Variants in ATP8B1 observed in about 807,000 individuals in gnomAD.
ATP8B1 encodes the protein phospholipid-transporting ATPase IC.
In ATP8B1, 80 loss-of-function variants were observed where a neutral mutation model predicts 149.9. The ratio of observed to expected loss-of-function variants is 0.53; its 90% confidence interval spans 0.45 to 0.64. The LOEUF is 0.64. Among genes scored for constraint, ATP8B1 ranks in the 30% least tolerant of loss-of-function variants. The probability of loss-of-function intolerance (pLI) is 0.00; values close to 1 mark genes in which losing one functional copy is unlikely to be tolerated. For synonymous variants in ATP8B1, 536 were observed against 562.8 expected, an observed-to-expected ratio of 0.95 and a Z score of 0.67; for missense variants, 1,247 against 1,552.6, an observed-to-expected ratio of 0.80 and a Z score of 3.31.
In ATP8B1 at chr18:57,735,967, GC is replaced by G. The variant is rs59140378; in HGVS notation, c.-25-4136del. 4.5e-5 allele frequency among the ~76,000 whole-genome samples: 6 copies of G among 134,462 alleles called. No homozygotes were observed. In the Admixed American group the frequency reaches 4.7e-4, roughly 10 times the overall value. The allele number at this position is 134,462 out of a possible 152,430, so 88.2% of individuals were successfully genotyped here. ...TTGTCCTAATACTCTCCCATTCCTT[GC>G]CCCCCCCACCCCCACCCCCAACAGG... is the stretch of plus-strand genomic sequence containing the variant. On this transcript the variant is annotated intron_variant, in intron 1 of 27. Coordinates refer to ENST00000648908, the MANE Select transcript of ATP8B1 (RefSeq NM_001374385.1).
At chr18:57,794,554 A>G (rs2123461227) in intron 1 of ATP8B1, among the ~76,000 whole-genome samples, 1 of 151,776 alleles carries the variant, frequency 6.6e-6, no homozygotes, top group Non-Finnish European at 1.5e-5. Flanking sequence ...TAGTAGGGCC[A>G]CAACCCTGGG....
Position 57,661,386 on chromosome 18 carries a change from C to G in ATP8B1, c.2495G>C (p.Arg832Thr). ...KLKFPRTEEE[R>T]RMRTQSKRRL... ...CCTTTTACTTTGGGTCCGCATCCGT[C>G]TTTCTTCTTCTGTTCTTGGGAACTT... The change falls in exon 22 of 28, where the codon AGA becomes ACA. Residue 832 changes from arginine (R) to threonine (T), a missense_variant. By Grantham distance (71) the Arg-to-Thr change is moderately conservative. This residue lies in a region of ATP8B1 where 853 missense variants were observed against 1,035.7 expected (regional missense o/e 0.82). Coordinates refer to ENST00000648908, the MANE Select transcript of ATP8B1 (RefSeq NM_001374385.1). 6.2e-7 allele frequency: 1 copy of G among 1,613,956 alleles called. No individual in the cohort carries two copies. The highest frequency in any genetic ancestry group is 8.5e-7 in the Non-Finnish European group (1 of 1,180,000).
intron 17 of ATP8B1, among the ~76,000 whole-genome samples, chr18:57,671,166 T>C (rs1243748169): frequency 1.3e-5 from 2 of 152,172 alleles, no homozygotes; most frequent in African/African-American, 4.8e-5. Context: ...CAACCTAGTA[T>C]GGTTATGTAG....
chr18:57,747,315 T>G (rs573804135), intron 1 of ATP8B1, among the ~76,000 whole-genome samples: 1 of 152,238 alleles, frequency 6.6e-6, no homozygotes, highest in East Asian at 1.9e-4. Context: ...TAGCCAGGCG[T>G]GGTGGCAGGC....
At chr18:57,777,924 T>C (rs1397618992) in intron 1 of ATP8B1, among the ~76,000 whole-genome samples, 1 of 152,200 alleles carries the variant, frequency 6.6e-6, no homozygotes, top group African/African-American at 2.4e-5. Flanking sequence ...CATTTGCATG[T>C]ATTACTTATT....
At position 57,709,696 on chromosome 18, in the gene ATP8B1, G is replaced by A. The variant is rs1297486247; in HGVS notation, c.182-3109C>T. On this transcript the variant is annotated intron_variant, in intron 2 of 27. Coordinates refer to ENST00000648908, the MANE Select transcript of ATP8B1 (RefSeq NM_001374385.1). Reference sequence around the variant, plus strand: ...TTCTTTCTTTTTTCATTTTTTTTTTGTTTGAGACAGTCTTGTTCTGTCATC... The same window carrying A: ...TTCTTTCTTTTTTCATTTTTTTTTTATTTGAGACAGTCTTGTTCTGTCATC... Among the ~76,000 whole-genome samples the A allele has an allele frequency of 6.4e-5, 8 of 125,232 alleles. No individual in the cohort carries two copies. The East Asian group carries it at 1.5e-3, about 23-fold the overall frequency. The allele number at this position is 125,232 out of a possible 152,430, so 82.2% of individuals were successfully genotyped here.
chr18:57,766,685 C>A (rs1050004708), intron 1 of ATP8B1, among the ~76,000 whole-genome samples: 1 of 152,190 alleles, frequency 6.6e-6, no homozygotes, highest in East Asian at 1.9e-4. Context: ...TTCCATCAAG[C>A]TCCCGGGTGA....
At chr18:57,785,154 G>A (rs2080394312) in intron 1 of ATP8B1, among the ~76,000 whole-genome samples, 1 of 152,140 alleles carries the variant, frequency 6.6e-6, no homozygotes, top group Non-Finnish European at 1.5e-5. Flanking sequence ...AACAATTGGA[G>A]TTATACTAAC....
intron 10 of ATP8B1, 85 bp from the exon 11 acceptor site, chr18:57,694,755 C>T: frequency 1.0e-6 from 1 of 976,912 alleles, no homozygotes; most frequent in Middle Eastern, 2.1e-4. Flanking sequence ...CTTGGCCAGG[C>T]ATGGTGGCTT....
At chr18:57,683,612 G>A (rs931107813) in intron 15 of ATP8B1, among the ~76,000 whole-genome samples, 10 of 152,106 alleles carry the variant, frequency 6.6e-5, no homozygotes, top group Middle Eastern at 3.2e-3. Context: ...TAGTAAATAA[G>A]AGCATATATC....
At chr18:57,751,969 G>A (rs2080025097) in intron 1 of ATP8B1, among the ~76,000 whole-genome samples, 1 of 152,106 alleles carries the variant, frequency 6.6e-6, no homozygotes, top group Non-Finnish European at 1.5e-5. Context: ...ACTTTGGAGG[G>A]CCGAGGTGGG....
At chr18:57,706,640 G>T in intron 2 of ATP8B1, 53 bp from the exon 3 acceptor site, 1 of 1,385,946 alleles carries the variant, frequency 7.2e-7, no homozygotes, top group Non-Finnish European at 1.0e-6. Flanking sequence ...ATGTTGTTAT[G>T]AGTTGAATTG....
chr18:57,754,108 CTTGTTCT>C (rs2080053578), intron 1 of ATP8B1, among the ~76,000 whole-genome samples: 1 of 152,018 alleles, frequency 6.6e-6, no homozygotes, highest in Non-Finnish European at 1.5e-5. Context: ...TTAGCATTTA[CTTGTTCT>C]TTTTGTGCAT....
Position 57,671,861 on chromosome 18 carries a change from A to G in ATP8B1, c.1820-281T>C, listed in dbSNP as rs189331568. 2.0e-3 allele frequency among the ~76,000 whole-genome samples: 298 copies of G among 152,238 alleles called. 2 individuals are homozygous for G. The highest frequency in any genetic ancestry group is 7.0e-3 in the African/African-American group (292 of 41,526). On this transcript the variant is annotated intron_variant, in intron 16 of 27. Coordinates refer to ENST00000648908, the MANE Select transcript of ATP8B1 (RefSeq NM_001374385.1). ...GGTCTTGAACTCCTGGGCTCAAGCAATCCTCCTGCCTCAGCCTCCCAAAAT... is the reference window on the plus strand; with the variant it reads ...GGTCTTGAACTCCTGGGCTCAAGCAGTCCTCCTGCCTCAGCCTCCCAAAAT...
At position 57,648,579 on chromosome 18, in the gene ATP8B1, G is replaced by A; in HGVS notation, c.3665C>T (p.Ser1222Phe). ...CTTCTTGCGGATGCTGCGCCCGGAGGAGATGAGGTCCGCGTAGCCCCGCTG... is the reference window on the plus strand; with the variant it reads ...CTTCTTGCGGATGCTGCGCCCGGAGAAGATGAGGTCCGCGTAGCCCCGCTG... ...SHQRGYADLI[S>F]SGRSIRKKRS... is the part of the protein sequence containing the mutation. Residue 1222 changes from serine to phenylalanine, a missense_variant, in exon 28 of 28, where the codon TCC becomes TTC. Around this residue, in one of 3 missense-constraint regions of ATP8B1, gnomAD observed 164 missense variants for 160.3 expected, o/e 1.02. Transcript: ENST00000648908. 6.2e-7 allele frequency: 1 copy of A among 1,611,400 alleles called. No homozygotes were observed. The highest frequency in any genetic ancestry group is 2.2e-5 in the East Asian group (1 of 44,870).
At chr18:57,717,107 A>G (rs1183459966) in intron 2 of ATP8B1, among the ~76,000 whole-genome samples, 2 of 152,236 alleles carry the variant, frequency 1.3e-5, no homozygotes, top group Non-Finnish European at 2.9e-5. Context: ...AGGAAACTGA[A>G]AAATTTCTTC....
Position 57,731,622 on chromosome 18 carries a change from G to GT in ATP8B1, c.181+4dup. ...GACCTAGTCACCGGGACTTCATGTG[G>GT]TTACCTTTTCTGAATGGCTCCCGGT... On this transcript the variant is annotated splice_donor_region_variant and intron_variant, in intron 2 of 27. Transcript: ENST00000648908. 1 of 1,613,914 alleles carries GT rather than the reference G, an allele frequency of 6.2e-7. No homozygotes were observed. Among genetic ancestry groups the GT allele is most frequent in the Non-Finnish European group, 8.5e-7 (1 of 1,179,946 alleles).
chr18:57,677,140 G>A (rs1203784403), intron 15 of ATP8B1, among the ~76,000 whole-genome samples: 4 of 152,160 alleles, frequency 2.6e-5, no homozygotes, highest in Admixed American at 1.3e-4. Flanking sequence ...TGTGTTATTC[G>A]TAGTCAGGAA....
intron 1 of ATP8B1, chr18:57,735,150 G>C (rs1023861513): frequency 3.3e-5 from 5 of 153,646 alleles, no homozygotes; most frequent in Non-Finnish European, 7.3e-5. Context: ...AAATCTTGCA[G>C]CTGCACCCTT....
Sources: allele counts gnomAD v4.1 joint callset (sites outside exome capture counted in the v4.1 genomes callset), GRCh38; gene constraint gnomAD v4.1.1; regional missense constraint gnomAD v4.1.1; transcripts MANE v1.5; gene names NCBI Gene and HGNC (gene_info 2026-07-23, HGNC 2026-07-21).